Variants in MYPN observed in about 807,000 individuals in gnomAD.
MYPN encodes sarcomeric protein myopalladin, 145 kDa (MYOP).
Under a neutral mutation model 129.4 loss-of-function variants are expected in MYPN, and 63 were observed. The ratio of observed to expected loss-of-function variants is 0.49; its 90% confidence interval spans 0.40 to 0.60. MYPN has a LOEUF of 0.60. Among genes scored for constraint, MYPN ranks in the 20% least tolerant of loss-of-function variants. The probability of loss-of-function intolerance (pLI) is 0.00; values close to 1 mark genes in which losing one functional copy is unlikely to be tolerated. For synonymous variants in MYPN, 629 were observed against 600.9 expected (o/e 1.05, Z -0.68); for missense variants, 1,596 against 1,635.4 (o/e 0.98, Z 0.42).
intron 2 of MYPN, among the ~76,000 whole-genome samples, chr10:68,123,161 G>T (rs2042272176): frequency 6.6e-6 from 1 of 151,202 alleles, no homozygotes; most frequent in Non-Finnish European, 1.5e-5. Flanking sequence ...GATCACTTGA[G>T]GTCAGGAGTT....
At chr10:68,179,473 C>T (rs146172956) in intron 12 of MYPN, among the ~76,000 whole-genome samples, 1 of 152,186 alleles carries the variant, frequency 6.6e-6, no homozygotes, top group Non-Finnish European at 1.5e-5. Context: ...CTGAATCAAC[C>T]CACGACTATG....
intron 2 of MYPN, among the ~76,000 whole-genome samples, chr10:68,135,919 T>G (rs1291066645): frequency 6.6e-6 from 1 of 151,934 alleles, no homozygotes. Flanking sequence ...GAACAGGGTG[T>G]TAGGAGAGGG....
At position 68,174,048 on chromosome 10, in the gene MYPN, C is replaced by T; in HGVS notation, c.1974-18C>T. 4.5e-6 allele frequency: 7 copies of T among 1,568,162 alleles called. No homozygotes were observed. The highest frequency in any genetic ancestry group is 5.3e-6 in the Non-Finnish European group (6 of 1,138,102). ...TAACACATTTCCTTCTCTCTCTCCA[C>T]CCTTGTTTTGTGTACAGTGATTCCA... On this transcript the variant is annotated intron_variant, in intron 10 of 19. Transcript: ENST00000358913.
chr10:68,127,723 C>T (rs932664792), intron 2 of MYPN, among the ~76,000 whole-genome samples: 1 of 152,002 alleles, frequency 6.6e-6, no homozygotes, highest in Non-Finnish European at 1.5e-5. Flanking sequence ...CCTGTTTGTT[C>T]GCCACTGAAA....
chr10:68,175,275 C>T, intron 11 of MYPN, 48 bp from the exon 12 acceptor site: 5 of 1,610,716 alleles, frequency 3.1e-6, no homozygotes, highest in Non-Finnish European at 4.2e-6. Context: ...CCTTTTTACC[C>T]TGGCCAGTGC....
chr10:68,166,609 C>T lies in MYPN; in HGVS notation c.1916C>T (p.Thr639Ile). 1 of 1,614,034 alleles carries T rather than the reference C, an allele frequency of 6.2e-7. No homozygotes were observed. Among genetic ancestry groups the T allele is most frequent in the African/African-American group, 1.3e-5 (1 of 75,006 alleles). Residue 639 changes from threonine (T) to isoleucine (I), a missense_variant, in exon 10 of 20, where the codon ACC becomes ATC. Physicochemically the swap from Thr to Ile is moderately conservative, Grantham distance 89. Transcript: ENST00000358913. ...QERFNGQATK[T>I]PEPSSPVKEP... ...AGGTTCAACGGACAGGCAACAAAAA[C>T]CCCAGAGCCTTCTTCCCCCGTGAAA...
intron 2 of MYPN, among the ~76,000 whole-genome samples, chr10:68,129,431 AC>A (rs1359296972): frequency 3.3e-5 from 5 of 152,098 alleles, no homozygotes; most frequent in African/African-American, 1.2e-4. Context: ...ACAACTCTAA[AC>A]CACTTGTTTT....
At chr10:68,122,782 A>G (rs1036953540) in intron 2 of MYPN, among the ~76,000 whole-genome samples, 1 of 151,948 alleles carries the variant, frequency 6.6e-6, no homozygotes, top group African/African-American at 2.4e-5. Context: ...TGCGCCTGTA[A>G]TCCCAGCTAC....
At chr10:68,118,888 AGGAAG>A (rs1203608736) in intron 1 of MYPN, among the ~76,000 whole-genome samples, 1 of 110,598 alleles carries the variant, frequency 9.0e-6, no homozygotes, top group African/African-American at 3.4e-5. Flanking sequence ...GAAGGAAGGA[AGGAAG>A]GAAGGAAGGA....
chr10:68,136,322 T>TAGAAATGAG, intron 2 of MYPN: 1 of 963,822 alleles, frequency 1.0e-6, no homozygotes, highest in Non-Finnish European at 1.2e-6. Flanking sequence ...ATTGACTCAT[T>TAGAAATGAG]TCTATTGAGC....
rs555121294 is a variant in MYPN, at chr10:68,210,094, A to G, written c.3794-192A>G. ...TAGGGGCTTAAGATATCACCAGCAC[A>G]GTTTCCTTATTCCTGGCAGGGAAGG... On this transcript the variant is annotated intron_variant, in intron 19 of 19. Transcript: ENST00000358913. Among the ~76,000 whole-genome samples, 10 of 152,356 alleles carry G rather than the reference A, an allele frequency of 6.6e-5. No individual in the cohort carries two copies. In the East Asian group the frequency reaches 1.7e-3, roughly 26 times the overall value.
rs2134204846 is a variant in MYPN at position 68,175,417 on chromosome 10, T to C, written c.2659T>C (p.Leu887=). 2 of 1,614,168 alleles carry C rather than the reference T, an allele frequency of 1.2e-6. No individual in the cohort carries two copies. The highest frequency in any genetic ancestry group is 1.7e-6 in the Non-Finnish European group (2 of 1,180,012). Residue 887 remains leucine (L), a synonymous_variant, in exon 12 of 20, where the codon TTG becomes CTG. Transcript: ENST00000358913. ...RETKNAVIRD[L]GKKITFSDVR... The stretch of plus-strand genomic sequence containing the variant: ...AACTAAGAACGCAGTGATTCGAGAC[T>C]TGGGGAAAAAAATAACTTTCAGTGA...
chr10:68,133,081 A>G (rs2134030944), intron 2 of MYPN, among the ~76,000 whole-genome samples: 1 of 141,268 alleles, frequency 7.1e-6, no homozygotes, highest in East Asian at 2.1e-4. Flanking sequence ...GCTGGAGTGC[A>G]GTGGCATGAT....
intron 10 of MYPN, among the ~76,000 whole-genome samples, chr10:68,169,998 A>G (rs529082458): frequency 2.6e-4 from 40 of 152,290 alleles, no homozygotes; most frequent in Admixed American, 2.4e-3. Context: ...TTGGCCTCCC[A>G]AAGTGCTGGG....
intron 7 of MYPN, 43 bp downstream of exon 7, chr10:68,158,670 T>G: frequency 7.2e-7 from 1 of 1,396,598 alleles, no homozygotes; most frequent in South Asian, 1.2e-5. Flanking sequence ...TTTGTTTTTA[T>G]GAACTTATTG....
At chr10:68,117,681 G>A (rs1443996245) in intron 1 of MYPN, among the ~76,000 whole-genome samples, 1 of 151,898 alleles carries the variant, frequency 6.6e-6, no homozygotes, top group East Asian at 1.9e-4. Context: ...GTAGACTTTG[G>A]TTTTTCTTCA....
At chr10:68,101,956 C>T (rs1372577780), upstream of MYPN, among the ~76,000 whole-genome samples, 1 of 151,978 alleles carries the variant, frequency 6.6e-6, no homozygotes, top group Admixed American at 6.6e-5. Context: ...CATTTTTCTC[C>T]TAACAGGAAA....
At position 68,211,919 on chromosome 10, in the gene MYPN, T is replaced by C. The variant is rs1315484312; in HGVS notation, c.*1464T>C. ...CCAAGCACACTCAGCTGGCATTGTA[T>C]TTGTGTGAACAGACAGTAACTGCTT... is the stretch of plus-strand genomic sequence containing the variant. On this transcript the variant is annotated 3_prime_UTR_variant, in exon 20 of 20. Transcript: ENST00000358913. The C allele has an allele frequency of 2.3e-6, 1 of 427,318 alleles. No homozygotes were observed. Among genetic ancestry groups the C allele is most frequent in the Admixed American group, 2.5e-5 (1 of 39,446 alleles). The allele number at this position is 427,318 out of a possible 1,614,324, so 26.5% of individuals were successfully genotyped here.
At chr10:68,183,600 A>G (rs1191632819) in intron 12 of MYPN, among the ~76,000 whole-genome samples, 1 of 152,270 alleles carries the variant, frequency 6.6e-6, no homozygotes, top group African/African-American at 2.4e-5. Flanking sequence ...AAGCTGCAGA[A>G]AAGGTTCTTT....
Sources: allele counts gnomAD v4.1 joint callset (sites outside exome capture counted in the v4.1 genomes callset), GRCh38; gene constraint gnomAD v4.1.1; transcripts MANE v1.5; gene names NCBI Gene and HGNC (gene_info 2026-07-23, HGNC 2026-07-21).